Variants in HMGN3 observed in about 807,000 individuals in gnomAD.
HMGN3 encodes the protein high mobility group nucleosome-binding domain-containing protein 3.
Under a neutral mutation model 18.8 loss-of-function variants are expected in HMGN3, and 6 were observed. That is an observed-to-expected ratio of 0.32 (90% confidence interval 0.18 to 0.63). HMGN3 has a LOEUF of 0.63. Ranked by LOEUF, HMGN3 falls within the 30% of genes least tolerant of loss-of-function variation. The pLI is 0.79. For synonymous variants in HMGN3, 40 were observed against 36.5 expected (o/e 1.10, Z -0.35); for missense variants, 107 against 114.2 (o/e 0.94, Z 0.29).
At chr6:79,227,528 ACATCCATTGATTGTTTTACACAT>A (rs1582445097) in intron 1 of HMGN3, among the ~76,000 whole-genome samples, 1 of 152,182 alleles carries the variant, frequency 6.6e-6, no homozygotes, top group East Asian at 1.9e-4. Context: ...ATCACAACAA[ACATCCATTGATTGTTTTACACAT>A]ATCAGGCACT....
chr6:79,229,450 AGTT>A (rs1777729379), intron 1 of HMGN3, among the ~76,000 whole-genome samples: 1 of 152,246 alleles, frequency 6.6e-6, no homozygotes, highest in Admixed American at 6.5e-5. Flanking sequence ...TATTGTCAGT[AGTT>A]ATTACAGAAA....
At chr6:79,203,599 G>A in exon 4 of HMGN3, 13 of 1,612,990 alleles carry the variant, frequency 8.1e-6, no homozygotes, top group Non-Finnish European at 1.0e-5. Context: ...TGTTTTTCTT[G>A]GTTTGGGTTC....
chr6:79,231,204 G>C (rs75765916), intron 1 of HMGN3, among the ~76,000 whole-genome samples: 1 of 152,092 alleles, frequency 6.6e-6, no homozygotes, highest in Non-Finnish European at 1.5e-5. Flanking sequence ...GTTTCCTGTC[G>C]CTAATCATGC....
At chr6:79,228,070 A>T (rs1222994810) in intron 1 of HMGN3, among the ~76,000 whole-genome samples, 1 of 152,180 alleles carries the variant, frequency 6.6e-6, no homozygotes. Flanking sequence ...AACCCTTTTA[A>T]CTGAACAACA....
chr6:79,215,941 CCT>C lies in HMGN3; in HGVS notation c.16-921_16-920del, dbSNP rs1415068490. On this transcript the variant is annotated intron_variant, in intron 1 of 5. Coordinates refer to ENST00000344726, the Ensembl canonical transcript of HMGN3. ...ATAGGCTGCTGATCTGAATAGAGCT[CCT>C]GTTAGAAAAAAATACAAATAGCAAA... Among the ~76,000 whole-genome samples the C allele has an allele frequency of 2.0e-5, 3 of 152,124 alleles. No individual in the cohort carries two copies. The East Asian group carries it at 5.8e-4, about 29-fold the overall frequency.
chr6:79,225,254 A>G (rs1250549387), intron 1 of HMGN3, among the ~76,000 whole-genome samples: 1 of 152,232 alleles, frequency 6.6e-6, no homozygotes, highest in Non-Finnish European at 1.5e-5. Context: ...AGTAAAAGAA[A>G]TAAGAAAACC....
chr6:79,201,261 A>T (rs1776116445), exon 6 of HMGN3: 1 of 159,582 alleles, frequency 6.3e-6, no homozygotes, highest in South Asian at 2.0e-4. Flanking sequence ...AGACAAGTAA[A>T]CCTTTTATTT....
At chr6:79,216,091 G>T (rs1335966707) in intron 1 of HMGN3, among the ~76,000 whole-genome samples, 2 of 152,162 alleles carry the variant, frequency 1.3e-5, no homozygotes, top group African/African-American at 4.8e-5. Context: ...TAGTGACACT[G>T]TAAATTAATA....
intron 1 of HMGN3, among the ~76,000 whole-genome samples, chr6:79,233,379 G>C (rs1185034661): frequency 6.6e-6 from 1 of 152,140 alleles, no homozygotes; most frequent in Non-Finnish European, 1.5e-5. Flanking sequence ...GAAGGGGAAA[G>C]CTTTTGAATT....
intron 3 of HMGN3, among the ~76,000 whole-genome samples, chr6:79,205,313 T>C (rs569972410): frequency 1.4e-4 from 21 of 152,356 alleles, no homozygotes; most frequent in Admixed American, 7.2e-4. Flanking sequence ...TCTTGAATTG[T>C]AACTCCTACA....
chr6:79,220,190 T>C (rs903468344), intron 1 of HMGN3, among the ~76,000 whole-genome samples: 4 of 152,184 alleles, frequency 2.6e-5, no homozygotes, highest in African/African-American at 9.6e-5. Flanking sequence ...AAATAAAATT[T>C]AAAGTTACCA....
intron 1 of HMGN3, among the ~76,000 whole-genome samples, chr6:79,228,950 T>C (rs1777698297): frequency 6.6e-6 from 1 of 152,250 alleles, no homozygotes; most frequent in Non-Finnish European, 1.5e-5. Context: ...TTTACATTTA[T>C]GAAGGAGCTT....
At chr6:79,229,379 T>C (rs1273821103) in intron 1 of HMGN3, among the ~76,000 whole-genome samples, 2 of 152,082 alleles carry the variant, frequency 1.3e-5, no homozygotes, top group East Asian at 3.8e-4. Context: ...ATGGGCAAAA[T>C]ATCTGAATAG....
chr6:79,229,707 G>C (rs1268678346), intron 1 of HMGN3, among the ~76,000 whole-genome samples: 4 of 152,164 alleles, frequency 2.6e-5, no homozygotes, highest in East Asian at 3.9e-4. Flanking sequence ...GAAACCCCGT[G>C]TATACTAAAA....
At chr6:79,220,693 C>T (rs1479401715) in intron 1 of HMGN3, among the ~76,000 whole-genome samples, 2 of 152,156 alleles carry the variant, frequency 1.3e-5, no homozygotes, top group African/African-American at 4.8e-5. Context: ...GTGATCCACC[C>T]ACTTTGGCCT....
chr6:79,226,505 TAAAATGA>T (rs1167637205), intron 1 of HMGN3, among the ~76,000 whole-genome samples: 1 of 152,196 alleles, frequency 6.6e-6, no homozygotes, highest in Non-Finnish European at 1.5e-5. Flanking sequence ...GTTGTGAGAA[TAAAATGA>T]AAAATGAAAT....
Position 79,202,272 on chromosome 6 carries a change from G to A in HMGN3, c.261+4C>T. Reference sequence around the variant, plus strand: ...AATCAGTGGGAGGTATTTATGGAAAGTACCTCTTCAGCTTTAGTTTCACCA... The same window carrying A: ...AATCAGTGGGAGGTATTTATGGAAAATACCTCTTCAGCTTTAGTTTCACCA... On this transcript the variant is annotated splice_donor_region_variant and intron_variant, in intron 5 of 5. Transcript: ENST00000344726. 1 of 1,613,464 alleles carries A rather than the reference G, an allele frequency of 6.2e-7. No individual in the cohort carries two copies. The highest frequency in any genetic ancestry group is 8.5e-7 in the Non-Finnish European group (1 of 1,179,410).
chr6:79,214,483 G>A (rs1425277136), intron 2 of HMGN3, among the ~76,000 whole-genome samples: 1 of 152,172 alleles, frequency 6.6e-6, no homozygotes, highest in Non-Finnish European at 1.5e-5. Flanking sequence ...TTACAGGCGT[G>A]AGCCACTGCG....
intron 1 of HMGN3, among the ~76,000 whole-genome samples, chr6:79,231,363 G>A (rs1777828747): frequency 6.6e-6 from 1 of 152,072 alleles, no homozygotes; most frequent in Non-Finnish European, 1.5e-5. Context: ...CTGAGTCCAT[G>A]AATGTTATCA....
Sources: gnomAD v4.1 joint callset for allele counts (sites outside exome capture counted in the v4.1 genomes callset) on GRCh38, gnomAD v4.1.1 for gene constraint, MANE v1.5 for transcripts, NCBI Gene and HGNC (gene_info 2026-07-23, HGNC 2026-07-21) for gene names.